AFG2A: variants seen among roughly 807,000 people sequenced by gnomAD.
The protein encoded by AFG2A is AAA ATPase AFG2A.
At chr4:123,058,128 G>T in the AFG2A span, among the ~76,000 whole-genome samples, 3 of 152,188 alleles carry the variant, frequency 2.0e-5, no homozygotes, top group African/African-American at 7.2e-5. Context: ...TTAGGAGGTA[G>T]ACTGCTATAT....
At chr4:123,190,906 C>A in the AFG2A span, among the ~76,000 whole-genome samples, 1 of 152,138 alleles carries the variant, frequency 6.6e-6, no homozygotes, top group African/African-American at 2.4e-5. Flanking sequence ...AGAGGGGCTC[C>A]ATCTATTTGT....
the AFG2A span, among the ~76,000 whole-genome samples, chr4:122,970,606 C>A: frequency 6.6e-6 from 1 of 150,662 alleles, no homozygotes; most frequent in East Asian, 2.0e-4. Context: ...ATACAAATAC[C>A]ATTGTGTTAC....
the AFG2A span, among the ~76,000 whole-genome samples, chr4:123,005,610 T>A: frequency 6.6e-6 from 1 of 152,258 alleles, no homozygotes; most frequent in Non-Finnish European, 1.5e-5. Flanking sequence ...TCTTCTTTTC[T>A]AATCTAGGCA....
the AFG2A span, among the ~76,000 whole-genome samples, chr4:123,266,181 G>A: frequency 6.6e-6 from 1 of 151,952 alleles, no homozygotes. Flanking sequence ...CTCCTTTTAG[G>A]AACTCTTTTT....
chr4:123,089,437 ATTGTC>A, the AFG2A span, among the ~76,000 whole-genome samples: 1 of 152,160 alleles, frequency 6.6e-6, no homozygotes, highest in Admixed American at 6.6e-5. Flanking sequence ...TTACTCTATA[ATTGTC>A]CACTCAGTTG....
At chr4:122,947,505 A>ATGGTGAGTC in the AFG2A span, 1 of 1,585,250 alleles carries the variant, frequency 6.3e-7, no homozygotes, top group South Asian at 1.1e-5. Flanking sequence ...GTGGTTTGCT[A>ATGGTGAGTC]TGGTGAGTCT....
the AFG2A span, among the ~76,000 whole-genome samples, chr4:123,029,069 A>G: frequency 2.0e-5 from 3 of 152,226 alleles, no homozygotes; most frequent in African/African-American, 7.2e-5. Flanking sequence ...TAAATAGATT[A>G]ACTATCAATT....
the AFG2A span, among the ~76,000 whole-genome samples, chr4:123,190,008 C>A: frequency 6.6e-6 from 1 of 151,642 alleles, no homozygotes; most frequent in Non-Finnish European, 1.5e-5. Flanking sequence ...CTGTGTTGCC[C>A]AGGCTGGTCT....
the AFG2A span, among the ~76,000 whole-genome samples, chr4:123,283,884 A>G: frequency 6.6e-6 from 1 of 152,088 alleles, no homozygotes; most frequent in Non-Finnish European, 1.5e-5. Flanking sequence ...CCTTTACAGC[A>G]TAAGTTTGCG....
the AFG2A span, among the ~76,000 whole-genome samples, chr4:122,940,941 T>C: frequency 2.0e-5 from 3 of 151,552 alleles, no homozygotes; most frequent in Non-Finnish European, 4.4e-5. Context: ...ATCAGATAGT[T>C]GTAGATATGT....
At chr4:123,007,592 GT>G in the AFG2A span, among the ~76,000 whole-genome samples, 1 of 27,460 alleles carries the variant, frequency 3.6e-5, no homozygotes, top group African/African-American at 1.3e-4. Flanking sequence ...GTGTGTGTGT[GT>G]GTGTGTGTGT....
the AFG2A span, among the ~76,000 whole-genome samples, chr4:123,203,370 T>G: frequency 6.6e-6 from 1 of 152,090 alleles, no homozygotes; most frequent in Non-Finnish European, 1.5e-5. Context: ...TCACCCAGGC[T>G]AGAGTCCAAT....
the AFG2A span, among the ~76,000 whole-genome samples, chr4:123,128,627 A>G: frequency 5.3e-5 from 8 of 152,150 alleles, no homozygotes; most frequent in Non-Finnish European, 1.0e-4. Flanking sequence ...TTAACATTGA[A>G]TATTCTAGTG....
chr4:123,300,361 C>T, the AFG2A span, among the ~76,000 whole-genome samples: 3 of 152,166 alleles, frequency 2.0e-5, no homozygotes, highest in Non-Finnish European at 4.4e-5. Context: ...TCCGTTACCT[C>T]ACATATATAA....
At chr4:122,985,320 G>A in the AFG2A span, among the ~76,000 whole-genome samples, 1 of 151,906 alleles carries the variant, frequency 6.6e-6, no homozygotes, top group Non-Finnish European at 1.5e-5. Flanking sequence ...GTAGAGATGG[G>A]GTTTCTCCAT....
chr4:123,062,334 A>G, the AFG2A span, among the ~76,000 whole-genome samples: 1 of 152,212 alleles, frequency 6.6e-6, no homozygotes, highest in South Asian at 2.1e-4. Flanking sequence ...TCTACACTAT[A>G]TACCATATGG....
At chr4:123,194,323 T>TA in the AFG2A span, among the ~76,000 whole-genome samples, 1 of 152,200 alleles carries the variant, frequency 6.6e-6, no homozygotes, top group African/African-American at 2.4e-5. Context: ...ATGAGCTTTT[T>TA]AAAAAATTGC....
At chr4:123,040,912 G>GAT in the AFG2A span, among the ~76,000 whole-genome samples, 1 of 151,872 alleles carries the variant, frequency 6.6e-6, no homozygotes, top group African/African-American at 2.4e-5. Flanking sequence ...ACAAATAATT[G>GAT]ATATACTAAT....
the AFG2A span, among the ~76,000 whole-genome samples, chr4:123,001,485 G>C: frequency 2.3e-4 from 35 of 151,442 alleles, no homozygotes; most frequent in African/African-American, 7.5e-4. Flanking sequence ...ATGTGTCCCA[G>C]AGATTCTGGT....
Sources: gnomAD v4.1 joint callset for allele counts (sites outside exome capture counted in the v4.1 genomes callset) on GRCh38, gnomAD v4.1.1 for gene constraint, MANE v1.5 for transcripts, NCBI Gene and HGNC (gene_info 2026-07-23, HGNC 2026-07-21) for gene names.